Variants in KIAA1549 observed in about 807,000 individuals in gnomAD.
The protein encoded by KIAA1549 is KIAA1549, also known as UPF0606 protein KIAA1549.
Under a neutral mutation model 156.4 loss-of-function variants are expected in KIAA1549, and 70 were observed. The observed-to-expected ratio is 0.45, with a 90% CI of 0.37 to 0.55. The LOEUF (loss-of-function observed/expected upper bound fraction) is 0.55. Ranked by LOEUF, KIAA1549 falls within the 20% of genes least tolerant of loss-of-function variation. The probability of loss-of-function intolerance (pLI) is 0.00; values close to 1 mark genes in which losing one functional copy is unlikely to be tolerated. For synonymous variants in KIAA1549, 1,103 were observed against 1,066.4 expected (o/e 1.03, Z -0.67); for missense variants, 2,428 against 2,540.9 (o/e 0.96, Z 0.96).
chr7:138,858,578 C>T (rs10277531), intron 16 of KIAA1549, among the ~76,000 whole-genome samples: 40,580 of 151,898 alleles, frequency 0.27, 5,715 homozygotes, highest in Admixed American at 0.31. Context: ...AGAACCAGAG[C>T]AGCTTTAAGT....
intron 10 of KIAA1549, among the ~76,000 whole-genome samples, chr7:138,883,022 C>T (rs931252121): frequency 2.1e-5 from 3 of 143,446 alleles, no homozygotes; most frequent in African/African-American, 5.2e-5. Flanking sequence ...GAGGCTGAAT[C>T]GGGCAGATCA....
At chr7:138,912,317 C>T in intron 3 of KIAA1549, 55 bp downstream of exon 3, 1 of 1,306,230 alleles carries the variant, frequency 7.7e-7, no homozygotes, top group South Asian at 1.2e-5. Context: ...ACCTGGGGCT[C>T]TCACATCAGC....
At chr7:138,895,249 C>G (rs1278361418) in intron 9 of KIAA1549, among the ~76,000 whole-genome samples, 4 of 152,162 alleles carry the variant, frequency 2.6e-5, no homozygotes, top group African/African-American at 9.7e-5. Flanking sequence ...CAAAGCAAAA[C>G]AGAGTAAGGA....
At chr7:138,937,131 C>A (rs575089084) in intron 1 of KIAA1549, among the ~76,000 whole-genome samples, 1 of 152,166 alleles carries the variant, frequency 6.6e-6, no homozygotes, top group Non-Finnish European at 1.5e-5. Flanking sequence ...GTATTACCCT[C>A]CCCTACAACC....
intron 12 of KIAA1549, among the ~76,000 whole-genome samples, chr7:138,873,063 A>G (rs1334935201): frequency 6.6e-6 from 1 of 152,258 alleles, no homozygotes; most frequent in Non-Finnish European, 1.5e-5. Flanking sequence ...ACTTCAAAGC[A>G]TAAGTGAAAA....
intron 1 of KIAA1549, among the ~76,000 whole-genome samples, chr7:138,937,980 T>C (rs1035753253): frequency 1.3e-5 from 2 of 152,144 alleles, no homozygotes; most frequent in African/African-American, 4.8e-5. Flanking sequence ...TTAGGAATCA[T>C]ACTGCTATAG....
rs1814528617 is a variant in KIAA1549, at chr7:138,981,010, G to A, written c.187+73C>T. 2.5e-6 allele frequency: 3 copies of A among 1,179,114 alleles called. No individual in the cohort carries two copies. In the African/African-American group the frequency reaches 4.8e-5, roughly 19 times the overall value. 73.0% of individuals were successfully genotyped at this position (1,179,114 alleles called of 1,614,324 possible). On this transcript the variant is annotated intron_variant, in intron 1 of 19. Transcript: ENST00000422774. The surrounding 1 kb of genome is among the most constrained non-coding windows in gnomAD (Gnocchi z 4.5). ...TAAAAGAGGATGGGCGGGGAAAGCC[G>A]GGGTTTTGAAAACAGCAGCGATAAA...
At position 138,837,912 on chromosome 7, in the gene KIAA1549, G is replaced by A. The variant is rs1809780616; in HGVS notation, c.5847C>T (p.His1949=). 1.2e-6 allele frequency: 2 copies of A among 1,613,678 alleles called. No homozygotes were observed. Among genetic ancestry groups the A allele is most frequent in the African/African-American group, 1.3e-5 (1 of 75,064 alleles). The change falls in exon 20 of 20, where the codon CAC becomes CAT. Residue 1949 remains histidine (H), a synonymous_variant. Transcript: ENST00000422774. ...ATCTGCGAGGCGAGGCCGATCAGCT[G>A]TGGAAGTTCTGCACGGTGCTCTGTT... ...SQKQSTVQNF[H]S is the part of the protein sequence containing the mutation.
rs766525015 is a variant in KIAA1549 at position 138,861,253 on chromosome 7, G to T, written c.5133C>A (p.Gly1711=). 6.2e-7 allele frequency: 1 copy of T among 1,610,464 alleles called. No individual in the cohort carries two copies. The highest frequency in any genetic ancestry group is 8.5e-7 in the Non-Finnish European group (1 of 1,179,110). Residue 1711 remains glycine, a synonymous_variant, in exon 16 of 20, where the codon GGC becomes GGA. Coordinates refer to ENST00000422774, the MANE Select transcript of KIAA1549 (RefSeq NM_001164665.2). The stretch of plus-strand genomic sequence containing the variant: ...CGGGCAGGCCGGGTGGGACTCCGGG[G>T]CCTACACCTGCGGTGCTGGCAGGCT... ...SSQPASTAGV[G]PGVPPGLPAN... is the part of the protein sequence containing the mutation.
At chr7:138,913,563 T>C (rs546504020) in intron 2 of KIAA1549, among the ~76,000 whole-genome samples, 10 of 152,366 alleles carry the variant, frequency 6.6e-5, no homozygotes, top group African/African-American at 2.4e-4. Flanking sequence ...CATTTCCTGA[T>C]TTTAATTTTT....
Position 138,933,712 on chromosome 7 carries a change from T to C in KIAA1549, c.188-14274A>G, listed in dbSNP as rs527251418. Among the ~76,000 whole-genome samples the C allele has an allele frequency of 2.0e-5, 3 of 152,342 alleles. No homozygotes were observed. In the East Asian group the frequency reaches 5.8e-4, roughly 29 times the overall value. On this transcript the variant is annotated intron_variant, in intron 1 of 19. Transcript: ENST00000422774. The stretch of plus-strand genomic sequence containing the variant: ...CAGGCGCAGTGGCTCATGCCTGTAA[T>C]CCCAGCACTTTCAGAGGCCGGGGCA...
intron 1 of KIAA1549, among the ~76,000 whole-genome samples, chr7:138,964,957 G>GT (rs144214106): frequency 0.042 from 6,228 of 149,438 alleles, 427 homozygotes; most frequent in African/African-American, 0.14. Flanking sequence ...TTTTTTCTTT[G>GT]TTTTTTTTTC....
At chr7:138,971,282 C>G (rs1814213767) in intron 1 of KIAA1549, among the ~76,000 whole-genome samples, 1 of 152,194 alleles carries the variant, frequency 6.6e-6, no homozygotes, top group South Asian at 2.1e-4. Flanking sequence ...CGCTGCTGTC[C>G]TCTCTCCAGA....
chr7:138,962,292 T>A (rs1813878093), intron 1 of KIAA1549, among the ~76,000 whole-genome samples: 1 of 152,242 alleles, frequency 6.6e-6, no homozygotes. Flanking sequence ...ATTGTATCTT[T>A]TCTCTCCATT....
intron 16 of KIAA1549, among the ~76,000 whole-genome samples, chr7:138,856,308 T>A (rs1189123982): frequency 6.6e-6 from 1 of 151,862 alleles, no homozygotes; most frequent in Non-Finnish European, 1.5e-5. Context: ...ACATATCCCC[T>A]CATTTCTAAA....
At chr7:138,852,854 TC>T (rs923998449) in intron 16 of KIAA1549, among the ~76,000 whole-genome samples, 5 of 152,236 alleles carry the variant, frequency 3.3e-5, no homozygotes, top group African/African-American at 1.2e-4. Flanking sequence ...CGTTTACTGG[TC>T]CCCAGGAGAC....
chr7:138,954,849 G>A (rs1813615173), intron 1 of KIAA1549, among the ~76,000 whole-genome samples: 1 of 152,130 alleles, frequency 6.6e-6, no homozygotes, highest in Non-Finnish European at 1.5e-5. Flanking sequence ...CAAAGAGAAG[G>A]CAGGGAAAGA....
chr7:138,932,090 C>T (rs1812889916), intron 1 of KIAA1549, among the ~76,000 whole-genome samples: 1 of 152,152 alleles, frequency 6.6e-6, no homozygotes, highest in South Asian at 2.1e-4. Context: ...TGCAACGAGA[C>T]AAGGTTCTTG....
rs541200375 is a variant in KIAA1549, at chr7:138,922,169, T to C, written c.188-2731A>G. Among the ~76,000 whole-genome samples, 5 of 152,340 alleles carry C rather than the reference T, an allele frequency of 3.3e-5. 1 individual carries two copies. In the South Asian group the frequency reaches 1.0e-3, roughly 32 times the overall value. On this transcript the variant is annotated intron_variant, in intron 1 of 19. Coordinates refer to ENST00000422774, the MANE Select transcript of KIAA1549 (RefSeq NM_001164665.2). The stretch of plus-strand genomic sequence containing the variant: ...TCTCAGCTCTGACTTTGTATAGCTA[T>C]TGTACGAAACGTCATCCCGAGTGTG...
Sources: gnomAD v4.1 joint callset for allele counts (sites outside exome capture counted in the v4.1 genomes callset) on GRCh38, gnomAD v4.1.1 for gene constraint, Gnocchi (gnomAD v3.1) non-coding constraint, MANE v1.5 for transcripts, NCBI Gene and HGNC (gene_info 2026-07-23, HGNC 2026-07-21) for gene names.